Variants in PTPRT observed in about 807,000 individuals in gnomAD.
The protein encoded by PTPRT is protein tyrosine phosphatase receptor type T, also known as receptor-type tyrosine-protein phosphatase T.
PTPRT carries 56 observed loss-of-function variants against 176.8 expected under a neutral mutation model. The ratio of observed to expected loss-of-function variants is 0.32; its 90% confidence interval spans 0.26 to 0.40. The LOEUF is 0.40. PTPRT is among the 10% of genes least tolerant of loss of function. The pLI, the probability that PTPRT is intolerant of heterozygous loss-of-function variation, is 1.00. For synonymous variants in PTPRT, 783 were observed against 739.0 expected (o/e 1.06, Z -0.96); for missense variants, 1,540 against 1,908.2 (o/e 0.81, Z 3.60).
chr20:42,380,333 G>C (rs1422918457), intron 9 of PTPRT, among the ~76,000 whole-genome samples: 1 of 152,090 alleles, frequency 6.6e-6, no homozygotes, highest in Non-Finnish European at 1.5e-5. Context: ...GATGCATTAG[G>C]CACTGACTGG....
chr20:42,349,704 G>A (rs1291717139), intron 11 of PTPRT, among the ~76,000 whole-genome samples: 2 of 152,202 alleles, frequency 1.3e-5, no homozygotes. Flanking sequence ...ATTGAACTGA[G>A]CAATTTGAAA....
intron 2 of PTPRT, among the ~76,000 whole-genome samples, chr20:42,849,167 T>C (rs2078428665): frequency 6.6e-6 from 1 of 152,190 alleles, no homozygotes; most frequent in Non-Finnish European, 1.5e-5. Context: ...TCCACTGGTC[T>C]ATGTGCCTGT....
At chr20:43,151,891 G>C (rs2014368388) in intron 1 of PTPRT, among the ~76,000 whole-genome samples, 1 of 151,772 alleles carries the variant, frequency 6.6e-6, no homozygotes, top group Admixed American at 6.6e-5. Flanking sequence ...CCAAGAACTT[G>C]AAGACTAATG....
intron 1 of PTPRT, among the ~76,000 whole-genome samples, chr20:42,994,396 G>C (rs548340752): frequency 2.6e-5 from 4 of 151,944 alleles, no homozygotes; most frequent in African/African-American, 9.6e-5. Context: ...AATGTGACTT[G>C]AATTAGAAAT....
At chr20:42,294,907 AAGAC>A (rs1271828174) in intron 12 of PTPRT, among the ~76,000 whole-genome samples, 2 of 152,296 alleles carry the variant, frequency 1.3e-5, no homozygotes, top group South Asian at 2.1e-4. Context: ...GCACTAAAGA[AAGAC>A]AGAAACCCAA....
At chr20:42,058,059 C>T in the PTPRT span, among the ~76,000 whole-genome samples, 1 of 152,176 alleles carries the variant, frequency 6.6e-6, no homozygotes, top group Non-Finnish European at 1.5e-5. Flanking sequence ...CGAACAGCCT[C>T]TCCTTCCTCC....
At chr20:42,927,712 C>G (rs1159641157) in intron 1 of PTPRT, among the ~76,000 whole-genome samples, 1 of 152,192 alleles carries the variant, frequency 6.6e-6, no homozygotes, top group Non-Finnish European at 1.5e-5. Flanking sequence ...CACTCACCAT[C>G]AGCATGCAAG....
chr20:42,364,027 G>A (rs1052576770), intron 9 of PTPRT, among the ~76,000 whole-genome samples: 2 of 152,080 alleles, frequency 1.3e-5, no homozygotes, highest in Non-Finnish European at 2.9e-5. Context: ...CATCGTTGGG[G>A]GCACAGAGGC....
the PTPRT span, among the ~76,000 whole-genome samples, chr20:42,048,781 C>T: frequency 3.3e-5 from 5 of 152,172 alleles, no homozygotes; most frequent in African/African-American, 1.2e-4. Flanking sequence ...GGGACACTCA[C>T]ATTTTGAGCC....
chr20:43,152,116 A>C (rs1034433820), intron 1 of PTPRT, among the ~76,000 whole-genome samples: 2 of 152,186 alleles, frequency 1.3e-5, no homozygotes, highest in African/African-American at 4.8e-5. Flanking sequence ...AAATACCAGA[A>C]CTGCTCAGAA....
intron 7 of PTPRT, among the ~76,000 whole-genome samples, chr20:42,544,943 G>A (rs1286964045): frequency 6.6e-6 from 1 of 152,160 alleles, no homozygotes; most frequent in Non-Finnish European, 1.5e-5. Context: ...GTGAGCCACT[G>A]TGTCTGACCC....
At chr20:42,568,665 T>C (rs1009575058) in intron 7 of PTPRT, among the ~76,000 whole-genome samples, 2 of 152,154 alleles carry the variant, frequency 1.3e-5, no homozygotes, top group Admixed American at 6.5e-5. Flanking sequence ...AAGCTGGGAC[T>C]TGGGGTCAGA....
At chr20:42,452,281 A>C (rs573760886) in intron 8 of PTPRT, among the ~76,000 whole-genome samples, 1 of 151,836 alleles carries the variant, frequency 6.6e-6, no homozygotes, top group East Asian at 1.9e-4. Context: ...AAAAAAAAAA[A>C]TTCAGAATAG....
intron 1 of PTPRT, among the ~76,000 whole-genome samples, chr20:43,032,658 C>T (rs749976704): frequency 5.3e-5 from 8 of 152,106 alleles, no homozygotes; most frequent in Non-Finnish European, 1.0e-4. Context: ...AATCTCTTAT[C>T]TTAGCCCCCC....
chr20:42,712,492 A>T (rs1379638827), intron 6 of PTPRT, among the ~76,000 whole-genome samples: 1 of 152,196 alleles, frequency 6.6e-6, no homozygotes, highest in Non-Finnish European at 1.5e-5. Flanking sequence ...CCCTGAGGTT[A>T]TGCAAGATCA....
At chr20:42,739,156 A>G (rs2076573721) in intron 6 of PTPRT, among the ~76,000 whole-genome samples, 1 of 152,170 alleles carries the variant, frequency 6.6e-6, no homozygotes, top group Non-Finnish European at 1.5e-5. Context: ...AATGCCACAC[A>G]TTTGTGCAGG....
intron 7 of PTPRT, among the ~76,000 whole-genome samples, chr20:42,549,231 C>T (rs978973993): frequency 2.6e-5 from 4 of 151,162 alleles, no homozygotes; most frequent in African/African-American, 9.8e-5. Flanking sequence ...GACTATGATG[C>T]AAAGCTTAGA....
intron 27 of PTPRT, among the ~76,000 whole-genome samples, chr20:42,094,257 C>G (rs73129169): frequency 0.04 from 6,049 of 152,258 alleles, 186 homozygotes; most frequent in Middle Eastern, 0.071. Context: ...TGAGTTCATT[C>G]TTTTATTTCT....
intron 12 of PTPRT, 25 bp from the exon 13 acceptor site, chr20:42,282,550 C>T: frequency 6.3e-7 from 1 of 1,588,176 alleles, no homozygotes; most frequent in Non-Finnish European, 8.6e-7. Flanking sequence ...AATGAGATGC[C>T]AATTAATTAG....
Sources: gnomAD v4.1 joint callset for allele counts (sites outside exome capture counted in the v4.1 genomes callset) on GRCh38, gnomAD v4.1.1 for gene constraint, MANE v1.5 for transcripts, NCBI Gene and HGNC (gene_info 2026-07-23, HGNC 2026-07-21) for gene names.